CTNNA3: variants seen among roughly 807,000 people sequenced by gnomAD.
The protein encoded by CTNNA3 is catenin alpha-3.
Under a neutral mutation model 95.7 loss-of-function variants are expected in CTNNA3, and 76 were observed. That is an observed-to-expected ratio of 0.79 (90% CI 0.66 to 0.96). The LOEUF (loss-of-function observed/expected upper bound fraction) is 0.96. Ranked by LOEUF, CTNNA3 falls within the 40% of genes least tolerant of loss-of-function variation. The pLI is 0.00. For missense variants in CTNNA3, 1,191 were observed against 1,089.8 expected, an observed-to-expected ratio of 1.09 and a Z score of -1.31; for synonymous variants, 431 against 374.4, an observed-to-expected ratio of 1.15 and a Z score of -1.74.
At chr10:66,075,632 G>A (rs1375835044) in intron 14 of CTNNA3, among the ~76,000 whole-genome samples, 1 of 151,858 alleles carries the variant, frequency 6.6e-6, no homozygotes, top group South Asian at 2.1e-4. Context: ...TTGAGTAAGT[G>A]CTTTCCATAA....
At chr10:66,479,641 C>G (rs967491534) in intron 11 of CTNNA3, among the ~76,000 whole-genome samples, 2 of 151,776 alleles carry the variant, frequency 1.3e-5, no homozygotes, top group African/African-American at 2.4e-5. Flanking sequence ...ATCATAAGTA[C>G]TTTGAAATTA....
chr10:66,870,473 T>C (rs1271248078), intron 7 of CTNNA3, among the ~76,000 whole-genome samples: 2 of 152,174 alleles, frequency 1.3e-5, no homozygotes, highest in Non-Finnish European at 1.5e-5. Context: ...AGGCAAAATA[T>C]ATTGCAAACA....
intron 13 of CTNNA3, among the ~76,000 whole-genome samples, chr10:66,199,806 T>TATATATGTATATATATATA (rs1554887153): frequency 2.2e-4 from 2 of 9,038 alleles, no homozygotes; most frequent in Non-Finnish European, 3.7e-4. Context: ...TATATATATA[T>TATATATGTATATATATATA]TTTTTTTTTT....
chr10:66,114,073 G>A (rs10996900), intron 13 of CTNNA3, among the ~76,000 whole-genome samples: 25,764 of 151,952 alleles, frequency 0.17, 2,623 homozygotes, highest in South Asian at 0.38. Context: ...TCTGAATGTC[G>A]GATCAAAAAT....
At chr10:66,723,700 C>G (rs1347903214) in intron 9 of CTNNA3, among the ~76,000 whole-genome samples, 6 of 152,120 alleles carry the variant, frequency 3.9e-5, no homozygotes, top group African/African-American at 1.2e-4. Context: ...TGCCCATTGC[C>G]AGCAATAGGT....
At chr10:66,936,631 C>G (rs1847712414) in intron 7 of CTNNA3, among the ~76,000 whole-genome samples, 1 of 152,236 alleles carries the variant, frequency 6.6e-6, no homozygotes, top group Admixed American at 6.5e-5. Flanking sequence ...AGTCATCGGA[C>G]AGATGGACTA....
chr10:67,505,591 T>C (rs1839404898), intron 5 of CTNNA3, among the ~76,000 whole-genome samples: 1 of 152,166 alleles, frequency 6.6e-6, no homozygotes, highest in Admixed American at 6.5e-5. Context: ...TAAAACAAAA[T>C]ATGTAACTTA....
chr10:67,387,570 G>GGCCT (rs1554830510), intron 5 of CTNNA3, among the ~76,000 whole-genome samples: 1 of 152,194 alleles, frequency 6.6e-6, no homozygotes, highest in Non-Finnish European at 1.5e-5. Flanking sequence ...AGCTCAAGGA[G>GGCCT]GCCTGCCTGC....
chr10:67,530,428 G>A (rs1409758576), intron 4 of CTNNA3, among the ~76,000 whole-genome samples: 2 of 152,190 alleles, frequency 1.3e-5, no homozygotes, highest in Non-Finnish European at 2.9e-5. Flanking sequence ...CTGGAGCAAA[G>A]GTGACTCTTG....
intron 9 of CTNNA3, among the ~76,000 whole-genome samples, chr10:66,697,431 A>G (rs896920305): frequency 6.6e-6 from 1 of 151,746 alleles, no homozygotes; most frequent in Non-Finnish European, 1.5e-5. Flanking sequence ...AAAAATTTAT[A>G]TACACAAACA....
intron 13 of CTNNA3, among the ~76,000 whole-genome samples, chr10:66,182,843 T>G (rs1398514502): frequency 6.6e-6 from 1 of 152,148 alleles, no homozygotes; most frequent in Non-Finnish European, 1.5e-5. Flanking sequence ...TAATTTAAAT[T>G]TATTTATTAC....
At chr10:67,471,369 C>T (rs889512809) in intron 5 of CTNNA3, among the ~76,000 whole-genome samples, 11 of 152,278 alleles carry the variant, frequency 7.2e-5, no homozygotes, top group Admixed American at 2.0e-4. Context: ...AATATCAGAA[C>T]GTAAGGATGT....
chr10:67,264,631 TTTTAGA>T (rs994187517), intron 5 of CTNNA3, among the ~76,000 whole-genome samples: 17 of 152,266 alleles, frequency 1.1e-4, no homozygotes, highest in African/African-American at 3.8e-4. Context: ...ATTCTGCAAA[TTTTAGA>T]TTTAGATTCC....
At chr10:66,843,987 A>G (rs564857557) in intron 7 of CTNNA3, among the ~76,000 whole-genome samples, 1 of 152,328 alleles carries the variant, frequency 6.6e-6, no homozygotes, top group African/African-American at 2.4e-5. Context: ...GAGAACAATA[A>G]TATCTCTATT....
intron 15 of CTNNA3, among the ~76,000 whole-genome samples, chr10:66,013,470 G>C (rs571453191): frequency 6.6e-6 from 1 of 152,180 alleles, no homozygotes; most frequent in Non-Finnish European, 1.5e-5. Flanking sequence ...GACCTGCACT[G>C]TTCCACGCAG....
intron 3 of CTNNA3, among the ~76,000 whole-genome samples, chr10:67,555,016 T>G (rs1429460587): frequency 6.6e-6 from 1 of 152,232 alleles, no homozygotes; most frequent in Non-Finnish European, 1.5e-5. Flanking sequence ...TAGGGAATCC[T>G]TTCCCTATTT....
intron 11 of CTNNA3, among the ~76,000 whole-genome samples, chr10:66,472,574 T>C (rs1304980263): frequency 6.6e-6 from 1 of 151,990 alleles, no homozygotes; most frequent in Non-Finnish European, 1.5e-5. Flanking sequence ...TTAAGTTTTC[T>C]TATAAAAATA....
chr10:67,671,321 G>C (rs1373169825), intron 1 of CTNNA3, among the ~76,000 whole-genome samples: 1 of 151,920 alleles, frequency 6.6e-6, no homozygotes, highest in Non-Finnish European at 1.5e-5. Flanking sequence ...GAAAGAACTT[G>C]GGCCCTTGAT....
At chr10:66,575,846 A>G (rs1482699871) in intron 10 of CTNNA3, among the ~76,000 whole-genome samples, 3 of 152,118 alleles carry the variant, frequency 2.0e-5, no homozygotes, top group Admixed American at 6.6e-5. Context: ...ATCAAATACA[A>G]TGAAAAATGG....
Sources: allele counts gnomAD v4.1 joint callset (sites outside exome capture counted in the v4.1 genomes callset), GRCh38; gene constraint gnomAD v4.1.1; transcripts MANE v1.5; gene names NCBI Gene and HGNC (gene_info 2026-07-23, HGNC 2026-07-21).